XKRX: variants seen among roughly 807,000 people sequenced by gnomAD.
XKRX encodes XK-related protein 2.
A neutral mutation model predicts 22.4 loss-of-function variants in XKRX; 11 were observed. The ratio of observed to expected loss-of-function variants is 0.49; its 90% CI spans 0.31 to 0.81. XKRX has a LOEUF of 0.81. Ranked by LOEUF, XKRX falls within the 40% of genes least tolerant of loss-of-function variation. The pLI is 0.05. For missense variants in XKRX, 320 were observed against 336.5 expected (o/e 0.95, Z 0.38); for synonymous variants, 114 against 132.2 (o/e 0.86, Z 0.94).
At chrX:100,895,608 GC>G in the XKRX span, among the ~76,000 whole-genome samples, 1 of 112,132 alleles carries the variant, frequency 8.9e-6, no homozygotes, top group Non-Finnish European at 1.9e-5. Flanking sequence ...GTGAAGGCCA[GC>G]ACCACAGGTG....
rs981054971 is a variant in XKRX at position 100,925,249 on chromosome X, T to G, written c.336-2188A>C. ...CTATTTTCTGGTTTAAGTAAGGGTG[T>G]TTGTCCATTTATAAGCTTCAATAAA... On this transcript the variant is annotated intron_variant, in intron 1 of 2. Coordinates refer to ENST00000372956, the MANE Select transcript of XKRX (RefSeq NM_212559.3). Among the ~76,000 whole-genome samples the G allele has an allele frequency of 2.7e-5, 3 of 111,907 alleles. No individual in the cohort carries two copies. The Admixed American group carries it at 2.9e-4, about 11-fold the overall frequency.
chrX:100,931,288 A>C (rs751860329), upstream of XKRX, among the ~76,000 whole-genome samples: 1 of 109,883 alleles, frequency 9.1e-6, no homozygotes, highest in Non-Finnish European at 1.9e-5. Context: ...ATGCCTTCCT[A>C]CTTTGTTCCA....
chrX:100,957,138 G>C, the XKRX span: 2 of 1,138,589 alleles, frequency 1.8e-6, no homozygotes, highest in Non-Finnish European at 2.4e-6. Flanking sequence ...CAACGAGGAA[G>C]TGCCATCACC....
chrX:100,887,495 A>T, the XKRX span: 3 of 402,343 alleles, frequency 7.5e-6, no homozygotes, highest in Non-Finnish European at 1.3e-5. Context: ...ATACACATGA[A>T]TATTTGTCTA....
chrX:100,957,674 A>G, the XKRX span: 1 of 409,484 alleles, frequency 2.4e-6, no homozygotes, highest in Non-Finnish European at 4.2e-6. Flanking sequence ...TTAGCAGTTC[A>G]ACTTGATGAG....
upstream of XKRX, among the ~76,000 whole-genome samples, chrX:100,932,229 G>A (rs1174929540): frequency 9.0e-6 from 1 of 111,331 alleles, no homozygotes; most frequent in East Asian, 2.8e-4. Flanking sequence ...TGCTGTTTCT[G>A]TCCAAACACT....
the XKRX span, among the ~76,000 whole-genome samples, chrX:100,950,740 A>C: frequency 8.9e-6 from 1 of 112,657 alleles, no homozygotes; most frequent in Non-Finnish European, 1.9e-5. Context: ...TAACTAAAAG[A>C]CAATGGGAAA....
intron 2 of XKRX, among the ~76,000 whole-genome samples, chrX:100,918,903 T>G (rs2085458296): frequency 1.8e-5 from 2 of 110,891 alleles, no homozygotes; most frequent in Non-Finnish European, 3.8e-5. Flanking sequence ...TTACTTTACC[T>G]GGATACTATC....
At chrX:100,939,270 C>G in the XKRX span, among the ~76,000 whole-genome samples, 2 of 111,557 alleles carry the variant, frequency 1.8e-5, no homozygotes, top group Non-Finnish European at 3.8e-5. Flanking sequence ...CTTGTCAAAA[C>G]ATTAAAAAAA....
rs183241088 is a variant in XKRX, at chrX:100,927,453, T to G, written c.335+517A>C. 6.1e-3 allele frequency among the ~76,000 whole-genome samples: 679 copies of G among 111,513 alleles called. 4 individuals are homozygous for G. Among genetic ancestry groups the G allele is most frequent in the Middle Eastern group, 9.2e-3 (2 of 217 alleles). ...TCCCAAAGTGCTGGGATTACAGGCA[T>G]GAGCCACCACACCCGGCCTATAAAA... On this transcript the variant is annotated intron_variant, in intron 1 of 2. Transcript: ENST00000372956.
the XKRX span, among the ~76,000 whole-genome samples, chrX:100,952,598 T>C: frequency 9.9e-5 from 11 of 111,499 alleles, no homozygotes; most frequent in Non-Finnish European, 2.1e-4. Flanking sequence ...CATGACTGTT[T>C]ACGTAGAAAC....
chrX:100,909,851 C>T (rs756809729), downstream of XKRX, among the ~76,000 whole-genome samples: 4 of 95,246 alleles, frequency 4.2e-5, no homozygotes, highest in South Asian at 2.1e-3. Context: ...TGCAGTGAGC[C>T]GAAATCGCAC....
chrX:100,887,687 C>T, the XKRX span: 21 of 665,832 alleles, frequency 3.2e-5, no homozygotes, highest in African/African-American at 3.2e-4. Context: ...ACCACCATAG[C>T]CACTGTGGTT....
At chrX:100,912,163 C>T (rs908723188), downstream of XKRX, among the ~76,000 whole-genome samples, 2 of 111,705 alleles carry the variant, frequency 1.8e-5, no homozygotes, top group African/African-American at 6.5e-5. Flanking sequence ...GGGAGAAATT[C>T]TTGCTTGAAT....
chrX:100,943,019 G>A, the XKRX span, among the ~76,000 whole-genome samples: 1 of 111,803 alleles, frequency 8.9e-6, no homozygotes. Context: ...AAGAAGCCAA[G>A]TTAATGACCA....
At chrX:100,925,649 A>G (rs1406594579) in intron 1 of XKRX, among the ~76,000 whole-genome samples, 5 of 112,074 alleles carry the variant, frequency 4.5e-5, no homozygotes, top group African/African-American at 1.6e-4. Flanking sequence ...TTAACTCAAT[A>G]TATTGTATTT....
chrX:100,928,658 G>A lies in XKRX; in HGVS notation c.-354C>T, dbSNP rs189687750. The A allele has an allele frequency of 3.6e-5, 29 of 804,476 alleles. No homozygotes were observed. The African/African-American group carries it at 4.9e-4, about 14-fold the overall frequency. The allele number at this position is 804,476 out of a possible 1,213,427, so 66.3% of individuals were successfully genotyped here. A position where few individuals can be genotyped will look rare whatever the true frequency, so the allele number is the denominator to read the frequency against. ...GACGTGAAGAGTCATGAGAACAGCG[G>A]CTTCCGTGGCGGCTCCTTTCGCAGC... On this transcript the variant is annotated 5_prime_UTR_variant, in exon 1 of 3. Transcript: ENST00000372956.
At chrX:100,915,592 A>G (rs1223892452) in intron 2 of XKRX, among the ~76,000 whole-genome samples, 1 of 111,083 alleles carries the variant, frequency 9.0e-6, no homozygotes, top group Middle Eastern at 4.2e-3. Flanking sequence ...CTGCACTCTC[A>G]TGCTCATTGT....
the XKRX span, among the ~76,000 whole-genome samples, chrX:100,954,098 C>T: frequency 9.0e-6 from 1 of 110,552 alleles, no homozygotes; most frequent in African/African-American, 3.3e-5. Context: ...CAGTTAGATG[C>T]CACTTCATGC....
Sources: gnomAD v4.1 joint callset for allele counts (sites outside exome capture counted in the v4.1 genomes callset) on GRCh38, gnomAD v4.1.1 for gene constraint, MANE v1.5 for transcripts, NCBI Gene and HGNC (gene_info 2026-07-23, HGNC 2026-07-21) for gene names.